The following ZNF385D variants were observed in gnomAD, a reference collection of about 807,000 sequenced individuals.
The protein encoded by ZNF385D is zinc finger protein 385D.
Under a neutral mutation model 35.8 loss-of-function variants are expected in ZNF385D, and 15 were observed. The ratio of observed to expected loss-of-function variants is 0.42; its 90% CI spans 0.28 to 0.64. ZNF385D has a LOEUF of 0.64. Among genes scored for constraint, ZNF385D ranks in the 30% least tolerant of loss-of-function variants. The pLI is 0.23. For synonymous variants in ZNF385D, 212 were observed against 186.8 expected (o/e 1.13, Z -1.10); for missense variants, 474 against 494.6 (o/e 0.96, Z 0.39).
chr3:22,095,978 G>A (rs1265206507), intron 3 of ZNF385D, among the ~76,000 whole-genome samples: 3 of 151,842 alleles, frequency 2.0e-5, no homozygotes, highest in African/African-American at 4.8e-5. Flanking sequence ...TTCTGTAAAT[G>A]ACTAAAGTCT....
rs1699540344 is a variant in ZNF385D at position 22,242,251 on chromosome 3, C to A, written c.107-73216G>T. On this transcript the variant is annotated intron_variant, in intron 2 of 5. Transcript: ENST00000494108. ...AATAAAAGAAAAAAAAATATCCACT[C>A]CCTAAGAAGGTGATTACTGTTTGTG... Among the ~76,000 whole-genome samples, 3 of 151,022 alleles carry A rather than the reference C, an allele frequency of 2.0e-5. 1 individual carries two copies. The South Asian group carries it at 6.5e-4, about 33-fold the overall frequency.
At chr3:21,963,320 CAGG>C (rs1160802945) in intron 3 of ZNF385D, among the ~76,000 whole-genome samples, 2 of 152,140 alleles carry the variant, frequency 1.3e-5, no homozygotes, top group East Asian at 3.9e-4. Context: ...AAGCAGTGGC[CAGG>C]AGAAGGATGA....
intron 3 of ZNF385D, among the ~76,000 whole-genome samples, chr3:22,136,949 G>A (rs1230603235): frequency 2.0e-5 from 3 of 152,068 alleles, no homozygotes; most frequent in Admixed American, 6.6e-5. Context: ...ATTAGATAGA[G>A]CACAGTGGAT....
intron 3 of ZNF385D, among the ~76,000 whole-genome samples, chr3:22,002,707 C>G (rs895679628): frequency 2.0e-5 from 3 of 152,094 alleles, no homozygotes; most frequent in African/African-American, 4.8e-5. Context: ...TACTAGCAAA[C>G]TGAATTCAAC....
intron 2 of ZNF385D, among the ~76,000 whole-genome samples, chr3:22,293,876 T>C (rs979950140): frequency 1.3e-5 from 2 of 152,198 alleles, no homozygotes; most frequent in African/African-American, 4.8e-5. Context: ...TTTTCATGAA[T>C]GCTAAAGTTT....
intron 2 of ZNF385D, among the ~76,000 whole-genome samples, chr3:22,244,667 C>A (rs1699678818): frequency 6.6e-6 from 1 of 150,966 alleles, no homozygotes; most frequent in Non-Finnish European, 1.5e-5. Context: ...CCCTTAAATA[C>A]AAATGACTTC....
intron 3 of ZNF385D, among the ~76,000 whole-genome samples, chr3:21,764,448 G>T (rs1455097307): frequency 6.6e-6 from 1 of 152,124 alleles, no homozygotes; most frequent in Non-Finnish European, 1.5e-5. Context: ...ATAACCAGGT[G>T]ATTTTCAGAT....
chr3:21,704,069 T>C (rs1307870061), intron 1 of ZNF385D, among the ~76,000 whole-genome samples: 1 of 152,196 alleles, frequency 6.6e-6, no homozygotes, highest in African/African-American at 2.4e-5. Flanking sequence ...CATATGCTTT[T>C]CAAGTTAAAA....
chr3:21,757,441 C>T (rs1300988463), intron 3 of ZNF385D, among the ~76,000 whole-genome samples: 1 of 152,028 alleles, frequency 6.6e-6, no homozygotes, highest in Admixed American at 6.6e-5. Flanking sequence ...CCACACCTGG[C>T]CTAAATTTAT....
rs545855774 is a variant in ZNF385D at position 21,682,281 on chromosome 3, T to C, written c.23-17253A>G. The stretch of plus-strand genomic sequence containing the variant: ...AGTATGTTGAAAATCTAATAACTTA[T>C]GAAAGATGTACACAACCTGGAAAAT... On this transcript the variant is annotated intron_variant, in intron 1 of 7. Coordinates refer to ENST00000281523, the MANE Select transcript of ZNF385D (RefSeq NM_024697.3). Among the ~76,000 whole-genome samples, 64 of 136,446 alleles carry C rather than the reference T, an allele frequency of 4.7e-4. 1 individual carries two copies. The South Asian group carries it at 0.015, about 31-fold the overall frequency. 89.5% of individuals were successfully genotyped at this position (136,446 alleles called of 152,430 possible). A position where few individuals can be genotyped will look rare whatever the true frequency, so the allele number is the denominator to read the frequency against.
At chr3:21,961,368 C>CT (rs1356721516) in intron 3 of ZNF385D, 1 of 152,054 alleles carries the variant, frequency 6.6e-6, no homozygotes, top group Non-Finnish European at 1.5e-5. Context: ...AAATATTCGA[C>CT]TTAATAAAAT....
At chr3:21,553,251 C>T (rs2062625003) in intron 3 of ZNF385D, among the ~76,000 whole-genome samples, 1 of 152,158 alleles carries the variant, frequency 6.6e-6, no homozygotes, top group South Asian at 2.1e-4. Context: ...ATAGACATAT[C>T]TCAGAAATAT....
At chr3:22,073,131 G>A (rs114159642) in intron 3 of ZNF385D, among the ~76,000 whole-genome samples, 2,826 of 152,106 alleles carry the variant, frequency 0.019, 49 homozygotes, top group Middle Eastern at 0.037. Context: ...GGCTGAAGGT[G>A]CCCTCAGAAT....
chr3:21,928,857 A>G lies in ZNF385D; in HGVS notation c.325+239960T>C, dbSNP rs74626346. On this transcript the variant is annotated intron_variant, in intron 3 of 5. Coordinates refer to the ZNF385D transcript ENST00000494108. ...ACTAATTAAAATTATTCACAGAGAA[A>G]CACAGCCCCAGAGAGTTTTACCGTG... is the stretch of plus-strand genomic sequence containing the variant. Among the ~76,000 whole-genome samples, 759 of 152,312 alleles carry G rather than the reference A, an allele frequency of 5.0e-3. 4 individuals are homozygous for G. Among genetic ancestry groups the G allele is most frequent in the Middle Eastern group, 0.017 (5 of 294 alleles).
At chr3:22,286,818 T>C (rs562647891) in intron 2 of ZNF385D, among the ~76,000 whole-genome samples, 1 of 152,128 alleles carries the variant, frequency 6.6e-6, no homozygotes, top group Admixed American at 6.6e-5. Context: ...TGAAGAATCA[T>C]CCACGTGCAC....
At chr3:22,239,366 T>C (rs1163441646) in intron 2 of ZNF385D, among the ~76,000 whole-genome samples, 1 of 151,048 alleles carries the variant, frequency 6.6e-6, no homozygotes, top group Non-Finnish European at 1.5e-5. Context: ...TTACTATCTA[T>C]TCCTTTGTAG....
At chr3:22,366,045 A>T (rs1157873538) in intron 2 of ZNF385D, among the ~76,000 whole-genome samples, 1 of 151,982 alleles carries the variant, frequency 6.6e-6, no homozygotes, top group African/African-American at 2.4e-5. Context: ...TTTTTTTTTA[A>T]TATTTTTTAA....
chr3:22,283,837 C>T lies in ZNF385D; in HGVS notation c.106+88613G>A, dbSNP rs186357096. Among the ~76,000 whole-genome samples the T allele has an allele frequency of 4.9e-4, 75 of 152,248 alleles. 1 individual carries two copies. Among genetic ancestry groups the T allele is most frequent in the African/African-American group, 1.7e-3 (71 of 41,570 alleles). ...GAAGGTACAATTTTCCACCCATTCTCCTCACAAGAAAGGAAGAAAGAAATC... is the reference window on the plus strand; with the variant it reads ...GAAGGTACAATTTTCCACCCATTCTTCTCACAAGAAAGGAAGAAAGAAATC... On this transcript the variant is annotated intron_variant, in intron 2 of 5. Transcript: ENST00000494108.
chr3:22,132,684 T>C (rs895097517), intron 3 of ZNF385D, among the ~76,000 whole-genome samples: 4 of 152,112 alleles, frequency 2.6e-5, no homozygotes, highest in African/African-American at 7.2e-5. Flanking sequence ...TAATGGTCTT[T>C]ATTAATATTT....
Sources: gnomAD v4.1 joint callset for allele counts (sites outside exome capture counted in the v4.1 genomes callset) on GRCh38, gnomAD v4.1.1 for gene constraint, MANE v1.5 for transcripts, NCBI Gene and HGNC (gene_info 2026-07-23, HGNC 2026-07-21) for gene names.